Variants in PGBD5 observed in about 807,000 individuals in gnomAD.
The protein encoded by PGBD5 is piggyBac transposable element-derived protein 5.
PGBD5 carries 14 observed loss-of-function variants against 47.9 expected under a neutral mutation model. The observed-to-expected ratio is 0.29, with a 90% CI of 0.19 to 0.46. The LOEUF (loss-of-function observed/expected upper bound fraction) is 0.46, where lower values mean the gene tolerates loss of function less well. PGBD5 is among the 20% of genes least tolerant of loss of function. The pLI, the probability that PGBD5 is intolerant of heterozygous loss-of-function variation, is 1.00. For synonymous variants in PGBD5, 316 were observed against 306.3 expected (o/e 1.03, Z -0.33); for missense variants, 635 against 716.0 (o/e 0.89, Z 1.29).
rs1174229470 is a variant in PGBD5, at chr1:230,425,373, T to C, written c.331+225A>G. On this transcript the variant is annotated intron_variant, in intron 1 of 6. Transcript: ENST00000391860. The surrounding 1 kb of genome is among the most constrained non-coding windows in gnomAD (Gnocchi z 4.7). ...AAAAGGTCCCCGACGACATTGTCAC[T>C]GGAAAAGTGCTGGCCACGGCCTCCG... Among the ~76,000 whole-genome samples the C allele has an allele frequency of 6.6e-6, 1 of 152,158 alleles. No individual in the cohort carries two copies. Among genetic ancestry groups the C allele is most frequent in the East Asian group, 1.9e-4 (1 of 5,186 alleles).
At chr1:230,325,017 G>A (rs998721382) in intron 6 of PGBD5, among the ~76,000 whole-genome samples, 6 of 152,186 alleles carry the variant, frequency 3.9e-5, no homozygotes, top group Admixed American at 2.6e-4. Flanking sequence ...GCTCACTGCT[G>A]AGGGACAGTT....
chr1:230,339,710 T>C (rs1466241507), intron 3 of PGBD5, among the ~76,000 whole-genome samples: 1 of 152,180 alleles, frequency 6.6e-6, no homozygotes, highest in African/African-American at 2.4e-5. Flanking sequence ...TGCAACAACA[T>C]GGACCTGGAG....
intron 1 of PGBD5, among the ~76,000 whole-genome samples, chr1:230,417,594 A>C (rs1657547157): frequency 6.6e-6 from 1 of 152,188 alleles, no homozygotes; most frequent in Non-Finnish European, 1.5e-5. Flanking sequence ...TGTTTGAGAC[A>C]CTTTTCCTTC....
chr1:230,334,093 C>A (rs529978356), intron 4 of PGBD5, among the ~76,000 whole-genome samples: 1 of 152,326 alleles, frequency 6.6e-6, no homozygotes, highest in Admixed American at 6.5e-5. Flanking sequence ...CTTTCCTCAT[C>A]CCCGCATCCC....
intron 1 of PGBD5, among the ~76,000 whole-genome samples, chr1:230,360,211 C>G (rs1002344146): frequency 1.1e-4 from 16 of 152,172 alleles, no homozygotes; most frequent in African/African-American, 3.4e-4. Flanking sequence ...ACATGCAACC[C>G]CTGGCCTGGG....
At chr1:230,366,661 T>C (rs1163721930) in intron 1 of PGBD5, among the ~76,000 whole-genome samples, 2 of 152,194 alleles carry the variant, frequency 1.3e-5, no homozygotes, top group African/African-American at 2.4e-5. Context: ...CTTGGTCTCC[T>C]TGTTGGTAAA....
At position 230,323,119 on chromosome 1, in the gene PGBD5, C is replaced by T. The variant is rs900166588; in HGVS notation, c.*306G>A. ...CACGGGGGCCTTCCTTCACAGTCAC[C>T]AGTCCACGCTGCCTCGCAAGCTCCA... On this transcript the variant is annotated 3_prime_UTR_variant, in exon 7 of 7. Coordinates refer to ENST00000391860, the MANE Select transcript of PGBD5 (RefSeq NM_001258311.2). This position sits in a 1 kb window ranked among gnomAD's most constrained non-coding sequence, Gnocchi z 4.1. The T allele has an allele frequency of 1.0e-4, 35 of 337,212 alleles. No homozygotes were observed. Among genetic ancestry groups the T allele is most frequent in the Middle Eastern group, 8.7e-4 (1 of 1,152 alleles). 20.9% of individuals were successfully genotyped at this position (337,212 alleles called of 1,614,324 possible).
chr1:230,419,337 T>C (rs751990331), intron 1 of PGBD5, among the ~76,000 whole-genome samples: 55 of 113,530 alleles, frequency 4.8e-4, no homozygotes, highest in Non-Finnish European at 6.6e-4. Flanking sequence ...TGTTGTCACT[T>C]AGAAATGGGA....
rs1657754613 is a variant in PGBD5 at position 230,425,458 on chromosome 1, C to T, written c.331+140G>A. ...AGGAGCAGTCAGACCGATCACCGCTCCTGCAGCCTCATTTGTTTCCGGAGA... is the reference window on the plus strand; with the variant it reads ...AGGAGCAGTCAGACCGATCACCGCTTCTGCAGCCTCATTTGTTTCCGGAGA... On this transcript the variant is annotated intron_variant, in intron 1 of 6. Transcript: ENST00000391860. The surrounding 1 kb of genome is among the most constrained non-coding windows in gnomAD (Gnocchi z 4.7). The T allele has an allele frequency of 3.3e-6, 2 of 615,224 alleles. No homozygotes were observed. Among genetic ancestry groups the T allele is most frequent in the East Asian group, 7.7e-5 (2 of 26,054 alleles). The allele number at this position is 615,224 out of a possible 1,614,324, so 38.1% of individuals were successfully genotyped here. A position where few individuals can be genotyped will look rare whatever the true frequency, so the allele number is the denominator to read the frequency against.
chr1:230,385,778 T>C (rs574507581), intron 1 of PGBD5, among the ~76,000 whole-genome samples: 1 of 152,242 alleles, frequency 6.6e-6, no homozygotes, highest in South Asian at 2.1e-4. Flanking sequence ...TTTGCCCCCA[T>C]TTCACATCAC....
intron 1 of PGBD5, among the ~76,000 whole-genome samples, chr1:230,370,196 A>G (rs1667907144): frequency 6.6e-6 from 1 of 152,212 alleles, no homozygotes; most frequent in African/African-American, 2.4e-5. Flanking sequence ...AAGACAGGGC[A>G]GGGCGCTACC....
In PGBD5 at chr1:230,332,862, A is replaced by G; in HGVS notation, c.1255T>C (p.Tyr419His). 1 of 1,614,200 alleles carries G rather than the reference A, an allele frequency of 6.2e-7. No individual in the cohort carries two copies. The highest frequency in any genetic ancestry group is 1.1e-5 in the South Asian group (1 of 91,084). ...CACTCACCCTGCTGCACCGGGGAGT[A>G]GGCGTTGGTCAGGAAGCGGAAGTGT... Reference protein sequence around the residue: ...KGHFRFLTNAYSPVQQGVIIK... With the variant: ...KGHFRFLTNAHSPVQQGVIIK... The change falls in exon 5 of 7, where the codon TAC becomes CAC. Residue 419 changes from tyrosine to histidine, a missense_variant. Transcript: ENST00000391860.
Position 230,426,033 on chromosome 1 carries a change from G to T in PGBD5, c.-105C>A, listed in dbSNP as rs1657777004. On this transcript the variant is annotated 5_prime_UTR_variant, in exon 1 of 7. Coordinates refer to ENST00000391860, the MANE Select transcript of PGBD5 (RefSeq NM_001258311.2). ...CCGCCGCCCCCCACCAGCGCAGCCC[G>T]CAGCACAGCGCCCGCCGCCCCGTGC... The T allele has an allele frequency of 6.3e-6, 3 of 477,290 alleles. No individual in the cohort carries two copies. The highest frequency in any genetic ancestry group is 8.1e-6 in the Non-Finnish European group (3 of 370,146). The allele number at this position is 477,290 out of a possible 1,614,324, so 29.6% of individuals were successfully genotyped here. A position where few individuals can be genotyped will look rare whatever the true frequency, so the allele number is the denominator to read the frequency against.
intron 3 of PGBD5, among the ~76,000 whole-genome samples, chr1:230,348,643 C>T (rs1667511252): frequency 6.6e-6 from 1 of 151,984 alleles, no homozygotes; most frequent in South Asian, 2.1e-4. Context: ...CCTGGAGAAC[C>T]AAGAAAAGGG....
chr1:230,401,222 C>T (rs990164755), intron 1 of PGBD5, among the ~76,000 whole-genome samples: 1 of 152,240 alleles, frequency 6.6e-6, no homozygotes, highest in African/African-American at 2.4e-5. Flanking sequence ...CACCGGCTCC[C>T]TTGGGTCACA....
intron 1 of PGBD5, among the ~76,000 whole-genome samples, chr1:230,371,715 C>T (rs1041574120): frequency 1.3e-5 from 2 of 152,188 alleles, no homozygotes; most frequent in Non-Finnish European, 2.9e-5. Context: ...AGCTGCCACA[C>T]CACTGGGGAT....
At chr1:230,336,075 GGA>G (rs1251350656) in intron 4 of PGBD5, 33 of 152,294 alleles carry the variant, frequency 2.2e-4, no homozygotes, top group African/African-American at 7.9e-4. Flanking sequence ...CGAGTGGGCA[GGA>G]GAGATGGCAG....
intron 1 of PGBD5, among the ~76,000 whole-genome samples, chr1:230,410,041 T>A (rs1490793129): frequency 6.6e-6 from 1 of 152,104 alleles, no homozygotes; most frequent in Non-Finnish European, 1.5e-5. Context: ...TCAAGAGACA[T>A]ACCTAAAAGG....
In PGBD5 at chr1:230,362,301, G is replaced by A. The variant is rs745863877; in HGVS notation, c.332-4980C>T. ...CATGCTCTGCACTGAGTTTCCCCAC[G>A]GGTGTGCAGGGCACGAGGAATGGAT... On this transcript the variant is annotated intron_variant, in intron 1 of 6. Transcript: ENST00000391860. 1.5e-5 allele frequency: 21 copies of A among 1,367,716 alleles called. No homozygotes were observed. In the Admixed American group the frequency reaches 2.1e-4, roughly 14 times the overall value. The allele number at this position is 1,367,716 out of a possible 1,614,324, so 84.7% of individuals were successfully genotyped here. A position where few individuals can be genotyped will look rare whatever the true frequency, so the allele number is the denominator to read the frequency against.
Sources: allele counts gnomAD v4.1 joint callset (sites outside exome capture counted in the v4.1 genomes callset), GRCh38; gene constraint gnomAD v4.1.1; non-coding constraint Gnocchi (gnomAD v3.1); transcripts MANE v1.5; gene names NCBI Gene and HGNC (gene_info 2026-07-23, HGNC 2026-07-21).